The following PRKAR1B variants were observed in gnomAD, a reference collection of about 807,000 sequenced individuals.
PRKAR1B encodes protein kinase cAMP-dependent type I regulatory subunit beta.
In PRKAR1B, 22 loss-of-function variants were observed where a neutral mutation model predicts 46.5. That is an observed-to-expected ratio of 0.47 (90% CI 0.34 to 0.68). The LOEUF (loss-of-function observed/expected upper bound fraction) is 0.68, where lower values mean the gene tolerates loss of function less well. PRKAR1B is among the 30% of genes least tolerant of loss of function. The pLI, the probability that PRKAR1B is intolerant of heterozygous loss-of-function variation, is 0.01. For missense variants in PRKAR1B, 445 were observed against 535.6 expected, an observed-to-expected ratio of 0.83 and a Z score of 1.67; for synonymous variants, 259 against 217.7, an observed-to-expected ratio of 1.19 and a Z score of -1.67.
At chr7:642,770 C>T (rs1026569395) in intron 4 of PRKAR1B, among the ~76,000 whole-genome samples, 2 of 149,794 alleles carry the variant, frequency 1.3e-5, no homozygotes, top group South Asian at 2.1e-4. Context: ...AACTCTGCCC[C>T]CTGCCGCAAG....
Position 597,940 on chromosome 7 carries a change from G to A in PRKAR1B, c.550-1636C>T, listed in dbSNP as rs539782519. Among the ~76,000 whole-genome samples the A allele has an allele frequency of 2.6e-5, 4 of 152,300 alleles. No individual in the cohort carries two copies. In the South Asian group the frequency reaches 6.2e-4, roughly 24 times the overall value. On this transcript the variant is annotated intron_variant, in intron 6 of 10. Transcript: ENST00000537384. Reference sequence around the variant, plus strand: ...CAGTGAGTTTCACATCGCTCAGATCGGGGCCTCACAAACTCCCAGGGGACT... The same window carrying A: ...CAGTGAGTTTCACATCGCTCAGATCAGGGCCTCACAAACTCCCAGGGGACT...
intron 6 of PRKAR1B, among the ~76,000 whole-genome samples, chr7:600,713 G>A (rs1223170132): frequency 1.6e-4 from 25 of 152,178 alleles, no homozygotes; most frequent in Non-Finnish European, 7.3e-5. Context: ...TGATGCCTGG[G>A]ACGGGGAGCA....
rs753124715 is a variant in PRKAR1B at position 550,464 on chromosome 7, T to C, written c.1112A>G (p.Gln371Arg). The C allele has an allele frequency of 1.3e-6, 2 of 1,596,702 alleles. No individual in the cohort carries two copies. Among genetic ancestry groups the C allele is most frequent in the Non-Finnish European group, 8.5e-7 (1 of 1,172,266 alleles). ...PCSEILKRNI[Q>R]RYNSFISLTV ...GAGGGAGATGAAGCTGTTGTAACGC[T>C]GAATGTTCCTCTTGAGGATCTCAGA... Residue 371 changes from glutamine to arginine, a missense_variant, in exon 11 of 11, where the codon CAG becomes CGG. By Grantham distance (43) the Gln-to-Arg change is conservative. Coordinates refer to ENST00000537384, the MANE Select transcript of PRKAR1B (RefSeq NM_001164760.2).
intron 4 of PRKAR1B, 143 bp downstream of exon 4, chr7:677,086 T>C: frequency 2.6e-6 from 2 of 775,378 alleles, no homozygotes; most frequent in Non-Finnish European, 2.2e-6. Context: ...CAGCTGTGAT[T>C]CCCAGGCGAG....
At chr7:718,845 C>T (rs1484639015) in intron 1 of PRKAR1B, among the ~76,000 whole-genome samples, 1 of 134,314 alleles carries the variant, frequency 7.4e-6, no homozygotes, top group African/African-American at 2.8e-5. Context: ...ACATACAGAA[C>T]TTCATCTCTT....
rs143927545 is a variant in PRKAR1B, at chr7:648,503, C to A, written c.440+28726G>T. Among the ~76,000 whole-genome samples, 1,124 of 152,192 alleles carry A rather than the reference C, an allele frequency of 7.4e-3. 19 individuals are homozygous for A. Among genetic ancestry groups the A allele is most frequent in the African/African-American group, 0.026 (1,078 of 41,532 alleles). On this transcript the variant is annotated intron_variant, in intron 4 of 10. Transcript: ENST00000537384. ...GTGCGTGCCCGTAATCCCAGCTAGT[C>A]AGGAGGCTGAGGCGGGAGAATCACT...
At chr7:559,517 C>A (rs1778656866) in intron 9 of PRKAR1B, among the ~76,000 whole-genome samples, 1 of 152,166 alleles carries the variant, frequency 6.6e-6, no homozygotes, top group Non-Finnish European at 1.5e-5. Context: ...TACGAGGGGA[C>A]CCCGATCTGG....
chr7:597,718 G>A (rs1463586903), intron 6 of PRKAR1B, among the ~76,000 whole-genome samples: 1 of 152,238 alleles, frequency 6.6e-6, no homozygotes, highest in Admixed American at 6.5e-5. Flanking sequence ...GACTGGCGAT[G>A]AAGCCGGGGG....
Position 666,337 on chromosome 7 carries a change from T to C in PRKAR1B, c.440+10892A>G, listed in dbSNP as rs555820062. 4.0e-5 allele frequency among the ~76,000 whole-genome samples: 6 copies of C among 149,836 alleles called. No individual in the cohort carries two copies. Among genetic ancestry groups the C allele is most frequent in the African/African-American group, 1.5e-4 (6 of 40,430 alleles). On this transcript the variant is annotated intron_variant, in intron 4 of 10. Coordinates refer to ENST00000537384, the MANE Select transcript of PRKAR1B (RefSeq NM_001164760.2). The surrounding 1 kb of genome is among the most constrained non-coding windows in gnomAD (Gnocchi z 4.9). ...GGACAGCCTTCATGGTCCTGGCACA[T>C]CAGAGAGCTCCGGAGCACGCGGGGC...
At chr7:581,467 G>A (rs900841070) in intron 8 of PRKAR1B, among the ~76,000 whole-genome samples, 34 of 152,234 alleles carry the variant, frequency 2.2e-4, no homozygotes, top group Non-Finnish European at 4.4e-4. Context: ...GGTGCAGAAT[G>A]AGACCAGCAT....
chr7:682,154 G>C (rs1778720947), intron 2 of PRKAR1B, among the ~76,000 whole-genome samples: 1 of 152,130 alleles, frequency 6.6e-6, no homozygotes, highest in Non-Finnish European at 1.5e-5. Context: ...TCGTCCTAAG[G>C]CCACACCGGG....
At chr7:625,585 C>CCGCTACAGGTCCTATGGACAAGGGGCAT (rs1783342820) in intron 4 of PRKAR1B, among the ~76,000 whole-genome samples, 1 of 150,566 alleles carries the variant, frequency 6.6e-6, no homozygotes, top group Non-Finnish European at 1.5e-5. Flanking sequence ...ACAAGGGGCA[C>CCGCTACAGGTCCTATGGACAAGGGGCAT]CGCTACAGGT....
At chr7:607,932 C>T (rs560363139) in intron 4 of PRKAR1B, 2 of 170,790 alleles carry the variant, frequency 1.2e-5, no homozygotes, top group African/African-American at 4.8e-5. Flanking sequence ...TTCGGAACCT[C>T]TCTGTGGAAA....
At chr7:619,760 C>CT (rs1312501913) in intron 4 of PRKAR1B, among the ~76,000 whole-genome samples, 2 of 152,264 alleles carry the variant, frequency 1.3e-5, no homozygotes, top group African/African-American at 4.8e-5. Flanking sequence ...AGAAGTCCCT[C>CT]TTCTTTGTGC....
chr7:707,098 T>A (rs547471646), intron 2 of PRKAR1B, among the ~76,000 whole-genome samples: 135 of 152,348 alleles, frequency 8.9e-4, no homozygotes, highest in Non-Finnish European at 1.8e-3. Context: ...CTCCATGGAA[T>A]TTTAGGGCCC....
At chr7:705,400 T>C (rs1025080860) in intron 2 of PRKAR1B, among the ~76,000 whole-genome samples, 6 of 150,558 alleles carry the variant, frequency 4.0e-5, no homozygotes, top group Non-Finnish European at 8.8e-5. Context: ...ACTGACAGTA[T>C]CAAAGGCTGC....
At chr7:571,467 C>T (rs988068253) in intron 9 of PRKAR1B, among the ~76,000 whole-genome samples, 7 of 152,238 alleles carry the variant, frequency 4.6e-5, no homozygotes, top group African/African-American at 1.4e-4. Context: ...GGAAAAGTTC[C>T]CAGGCCCAAG....
intron 4 of PRKAR1B, among the ~76,000 whole-genome samples, chr7:621,881 G>A (rs902083040): frequency 4.6e-5 from 7 of 152,166 alleles, no homozygotes; most frequent in Admixed American, 2.6e-4. Context: ...GGGCTCCCAC[G>A]GTCAGCAGCT....
intron 1 of PRKAR1B, among the ~76,000 whole-genome samples, chr7:726,322 G>A (rs1325018405): frequency 1.3e-5 from 2 of 152,170 alleles, no homozygotes; most frequent in South Asian, 2.1e-4. Flanking sequence ...AAGCCAGAGG[G>A]GCTCTAGGCG....
Sources: allele counts gnomAD v4.1 joint callset (sites outside exome capture counted in the v4.1 genomes callset), GRCh38; gene constraint gnomAD v4.1.1; non-coding constraint Gnocchi (gnomAD v3.1); transcripts MANE v1.5; gene names NCBI Gene and HGNC (gene_info 2026-07-23, HGNC 2026-07-21).